The following WDR4 variants were observed in gnomAD, a reference collection of about 807,000 sequenced individuals.
WDR4 encodes the protein WDR4 tRNA N7-guanosine methyltransferase non-catalytic subunit, also known as tRNA (guanine-N(7)-)-methyltransferase non-catalytic subunit WDR4.
Under a neutral mutation model 48.6 loss-of-function variants are expected in WDR4, and 47 were observed. The ratio of observed to expected loss-of-function variants is 0.97; its 90% CI spans 0.77 to 1.23. The LOEUF is 1.23. Among genes scored for constraint, WDR4 ranks in the 50% most tolerant of loss-of-function variants. The pLI, the probability that WDR4 is intolerant of heterozygous loss-of-function variation, is 0.00. For synonymous variants in WDR4, 268 were observed against 230.0 expected, an observed-to-expected ratio of 1.17 and a Z score of -1.49; for missense variants, 606 against 551.6, an observed-to-expected ratio of 1.10 and a Z score of -0.99.
chr21:42,852,750 T>C (rs969146608), intron 9 of WDR4, among the ~76,000 whole-genome samples: 4 of 152,050 alleles, frequency 2.6e-5, no homozygotes, highest in Non-Finnish European at 4.4e-5. Flanking sequence ...ACCCCGTCTC[T>C]ACTAAAAATA....
downstream of WDR4, among the ~76,000 whole-genome samples, chr21:42,847,204 C>A (rs918490945): frequency 6.6e-6 from 1 of 152,078 alleles, no homozygotes; most frequent in African/African-American, 2.4e-5. Context: ...AACAGGGTGG[C>A]GACATCTCAC....
At position 42,849,852 on chromosome 21, in the gene WDR4, G is replaced by A. The variant is rs1274045327; in HGVS notation, c.*197C>T. On this transcript the variant is annotated 3_prime_UTR_variant, in exon 11 of 11. Coordinates refer to ENST00000398208, the MANE Select transcript of WDR4 (RefSeq NM_018669.6). ...GGTCTGGCTTCCCTTCAACCAGAAA[G>A]GGGGCACAGGCACCCAGCAAGAGCC... 1.6e-6 allele frequency: 1 copy of A among 611,806 alleles called. No individual in the cohort carries two copies. The highest frequency in any genetic ancestry group is 1.9e-5 in the African/African-American group (1 of 52,230). The allele number at this position is 611,806 out of a possible 1,614,324, so 37.9% of individuals were successfully genotyped here. A position where few individuals can be genotyped will look rare whatever the true frequency, so the allele number is the denominator to read the frequency against.
chr21:42,855,740 T>C lies in WDR4; in HGVS notation c.668A>G (p.Gln223Arg). The C allele has an allele frequency of 1.3e-6, 2 of 1,553,898 alleles. No homozygotes were observed. The highest frequency in any genetic ancestry group is 1.7e-6 in the Non-Finnish European group (2 of 1,148,354). ...ACTGGCCAGGTGACAGCAGTGCAGCTGGCGGCCGCTCCTGTACTCCCAGAG... is the reference window on the plus strand; with the variant it reads ...ACTGGCCAGGTGACAGCAGTGCAGCCGGCGGCCGCTCCTGTACTCCCAGAG... ...LRLWEYRSGRQLHCCHLASLQ... is the reference protein window; with the variant it reads ...LRLWEYRSGRRLHCCHLASLQ... Residue 223 changes from glutamine to arginine, a missense_variant, in exon 7 of 11, where the codon CAG (glutamine) becomes CGG (arginine). Physicochemically the swap from Gln to Arg is conservative, Grantham distance 43. Coordinates refer to ENST00000398208, the MANE Select transcript of WDR4 (RefSeq NM_018669.6).
chr21:42,872,338 G>A lies in WDR4; in HGVS notation c.296+1213C>T, dbSNP rs770584393. 1.5e-3 allele frequency among the ~76,000 whole-genome samples: 230 copies of A among 152,162 alleles called. 1 individual carries two copies. The highest frequency in any genetic ancestry group is 4.1e-3 in the Admixed American group (62 of 15,284). ...TTGAAAATAAGATGAGGCTGGGAGC[G>A]GTGGGTCATGCCTGTAATCCCAGCA... On this transcript the variant is annotated intron_variant, in intron 3 of 10. Coordinates refer to ENST00000398208, the MANE Select transcript of WDR4 (RefSeq NM_018669.6).
chr21:42,848,156 C>CCA (rs1185863946), downstream of WDR4, among the ~76,000 whole-genome samples: 1 of 152,210 alleles, frequency 6.6e-6, no homozygotes, highest in Non-Finnish European at 1.5e-5. Flanking sequence ...CAGCGATACC[C>CCA]CACATCATAG....
downstream of WDR4, among the ~76,000 whole-genome samples, chr21:42,845,535 C>A (rs55715340): frequency 0.062 from 9,454 of 152,120 alleles, 372 homozygotes; most frequent in East Asian, 0.15. Flanking sequence ...TGATCTAAGA[C>A]GGGTAAGTCA....
chr21:42,886,495 G>A, the WDR4 span, among the ~76,000 whole-genome samples: 4 of 152,130 alleles, frequency 2.6e-5, no homozygotes, highest in African/African-American at 7.2e-5. Context: ...TTGTTCACAC[G>A]TCCAGCAGTT....
At chr21:42,892,166 A>G in the WDR4 span, among the ~76,000 whole-genome samples, 3 of 151,376 alleles carry the variant, frequency 2.0e-5, no homozygotes, top group African/African-American at 7.3e-5. Context: ...AGGCAAGAGA[A>G]TGGCGTGAAC....
chr21:42,853,310 G>T (rs1477462402), intron 9 of WDR4, among the ~76,000 whole-genome samples: 2 of 152,106 alleles, frequency 1.3e-5, no homozygotes, highest in African/African-American at 4.8e-5. Context: ...TGGTGTGGGG[G>T]GCCACACACT....
chr21:42,869,503 C>T (rs545176176), intron 3 of WDR4, among the ~76,000 whole-genome samples: 1 of 152,196 alleles, frequency 6.6e-6, no homozygotes, highest in African/African-American at 2.4e-5. Flanking sequence ...CAGTGGTTAC[C>T]GGTGCAGCTC....
chr21:42,862,215 A>G lies in WDR4; in HGVS notation c.566+67T>C, dbSNP rs1364022038. ...TCGCCAGCTACAACGGCACCTGCTG[A>G]GCCGCAAGCTGACGCTGTTTTCAAA... On this transcript the variant is annotated intron_variant, in intron 5 of 10. Coordinates refer to ENST00000398208, the MANE Select transcript of WDR4 (RefSeq NM_018669.6). The surrounding 1 kb of genome is among the most constrained non-coding windows in gnomAD (Gnocchi z 4.3). 52 of 1,429,386 alleles carry G rather than the reference A, an allele frequency of 3.6e-5. No individual in the cohort carries two copies. Among genetic ancestry groups the G allele is most frequent in the Non-Finnish European group, 4.3e-5 (45 of 1,050,898 alleles). 88.5% of individuals were successfully genotyped at this position (1,429,386 alleles called of 1,614,324 possible).
chr21:42,891,141 G>GGT, the WDR4 span, among the ~76,000 whole-genome samples: 2 of 152,096 alleles, frequency 1.3e-5, no homozygotes, highest in Admixed American at 6.6e-5. Context: ...TGACCAACAT[G>GGT]GTGAAACACT....
At chr21:42,870,554 G>A (rs1271102127) in intron 3 of WDR4, among the ~76,000 whole-genome samples, 1 of 141,082 alleles carries the variant, frequency 7.1e-6, no homozygotes, top group East Asian at 2.0e-4. Flanking sequence ...TTGGGGGACT[G>A]AGACAGGTAC....
chr21:42,890,090 A>G, the WDR4 span, among the ~76,000 whole-genome samples: 3 of 151,274 alleles, frequency 2.0e-5, no homozygotes, highest in African/African-American at 7.3e-5. Context: ...AGAAAAAAAT[A>G]TATATATTAT....
the WDR4 span, among the ~76,000 whole-genome samples, chr21:42,890,224 T>C: frequency 2.0e-5 from 3 of 152,058 alleles, no homozygotes; most frequent in South Asian, 2.1e-4. Context: ...AGTGATCCTG[T>C]TGTAATCCAG....
intron 1 of WDR4, 32 bp downstream of exon 1, chr21:42,879,375 G>A (rs767719513): frequency 6.2e-7 from 1 of 1,607,442 alleles, no homozygotes; most frequent in South Asian, 1.1e-5. Flanking sequence ...CCGCAGCCTG[G>A]TCTCCCTGTT....
upstream of WDR4, among the ~76,000 whole-genome samples, chr21:42,880,336 C>G (rs1203381992): frequency 6.6e-6 from 1 of 152,190 alleles, no homozygotes; most frequent in Non-Finnish European, 1.5e-5. Context: ...AAGCCTCTTA[C>G]AATCCCAGCA....
chr21:42,854,604 G>T lies in WDR4; in HGVS notation c.749C>A (p.Ala250Glu), dbSNP rs1044533826. ...APQKFAASRI[A>E]FWCQENCVAL... The stretch of plus-strand genomic sequence containing the variant: ...CACGCAGTTCTCCTGGCACCAGAAT[G>T]CAATCCTGGACGCGGCAAACTTCTA... Residue 250 changes from alanine to glutamate, a missense_variant, in exon 8 of 11, where the codon GCA becomes GAA. Coordinates refer to ENST00000398208, the MANE Select transcript of WDR4 (RefSeq NM_018669.6). 5 of 1,613,706 alleles carry T rather than the reference G, an allele frequency of 3.1e-6. No homozygotes were observed. The highest frequency in any genetic ancestry group is 4.2e-6 in the Non-Finnish European group (5 of 1,179,950).
Position 42,876,658 on chromosome 21 carries a change from C to T in WDR4, c.155+44G>A, listed in dbSNP as rs772985855. 6 of 1,570,468 alleles carry T rather than the reference C, an allele frequency of 3.8e-6. No individual in the cohort carries two copies. In the Admixed American group the frequency reaches 7.2e-5, roughly 19 times the overall value. ...TTCTTAGACCCTCTGGTCCCATTAT[C>T]GAACCATTAAAGCAGGCCCTGAAAA... On this transcript the variant is annotated intron_variant, in intron 2 of 10. Coordinates refer to ENST00000398208, the MANE Select transcript of WDR4 (RefSeq NM_018669.6).
Sources: gnomAD v4.1 joint callset for allele counts (sites outside exome capture counted in the v4.1 genomes callset) on GRCh38, gnomAD v4.1.1 for gene constraint, Gnocchi (gnomAD v3.1) non-coding constraint, MANE v1.5 for transcripts, NCBI Gene and HGNC (gene_info 2026-07-23, HGNC 2026-07-21) for gene names.